The following THSD4 variants were observed in gnomAD, a reference collection of about 807,000 sequenced individuals.
The protein encoded by THSD4 is thrombospondin type-1 domain-containing protein 4.
THSD4 carries 69 observed loss-of-function variants against 119.0 expected under a neutral mutation model. That is an observed-to-expected ratio of 0.58 (90% CI 0.48 to 0.71). THSD4 has a LOEUF of 0.71. Ranked by LOEUF, THSD4 falls within the 30% of genes least tolerant of loss-of-function variation. The probability of loss-of-function intolerance (pLI) is 0.00; values close to 1 mark genes in which losing one functional copy is unlikely to be tolerated. For synonymous variants in THSD4, 524 were observed against 540.4 expected (o/e 0.97, Z 0.42); for missense variants, 1,393 against 1,391.1 (o/e 1.00, Z -0.02).
intron 7 of THSD4, among the ~76,000 whole-genome samples, chr15:71,500,047 G>A (rs958939880): frequency 6.6e-6 from 1 of 152,016 alleles, no homozygotes; most frequent in African/African-American, 2.4e-5. Flanking sequence ...TAATTTTTGA[G>A]GAACCACCTT....
At chr15:71,394,759 T>C (rs2046424270) in intron 6 of THSD4, among the ~76,000 whole-genome samples, 1 of 152,240 alleles carries the variant, frequency 6.6e-6, no homozygotes, top group Non-Finnish European at 1.5e-5. Context: ...CGTTTCTCTA[T>C]TGTATATGCC....
intron 7 of THSD4, among the ~76,000 whole-genome samples, chr15:71,524,795 G>A (rs1284110556): frequency 1.5e-5 from 2 of 129,404 alleles, no homozygotes; most frequent in South Asian, 2.5e-4. Context: ...GTATTTTTTA[G>A]TAGAGACGGG....
intron 17 of THSD4, 21 bp downstream of exon 17, chr15:71,771,229 T>C: frequency 6.2e-7 from 1 of 1,612,432 alleles, no homozygotes; most frequent in African/African-American, 1.3e-5. Context: ...ATTTCAATCA[T>C]GGGGGAAAGG....
chr15:71,291,077 TGTAAG>T (rs566110771), intron 6 of THSD4, among the ~76,000 whole-genome samples: 139 of 152,226 alleles, frequency 9.1e-4, no homozygotes, highest in African/African-American at 3.2e-3. Flanking sequence ...CTTGACTTCT[TGTAAG>T]GTAACTGGAT....
intron 3 of THSD4, among the ~76,000 whole-genome samples, chr15:71,192,773 C>A (rs534360471): frequency 2.0e-5 from 3 of 152,084 alleles, no homozygotes; most frequent in Non-Finnish European, 4.4e-5. Context: ...TACTCTTGTC[C>A]ATGACAACTG....
chr15:71,597,885 C>T (rs1038098867), intron 7 of THSD4, among the ~76,000 whole-genome samples: 3 of 152,158 alleles, frequency 2.0e-5, no homozygotes. Context: ...GAAGTGAGTT[C>T]AGACGCTCCC....
chr15:71,263,346 TAC>T (rs1491116434), intron 6 of THSD4, among the ~76,000 whole-genome samples: 1 of 150,764 alleles, frequency 6.6e-6, no homozygotes, highest in Non-Finnish European at 1.5e-5. Context: ...TATATATATA[TAC>T]GACATTTTCT....
chr15:71,433,600 G>A (rs954906422), intron 7 of THSD4, among the ~76,000 whole-genome samples: 5 of 152,126 alleles, frequency 3.3e-5, no homozygotes, highest in Admixed American at 6.5e-5. Context: ...ATCCTGGGTC[G>A]CAGGTACTCA....
chr15:71,638,250 GT>G (rs957700071), intron 7 of THSD4, among the ~76,000 whole-genome samples: 48 of 152,308 alleles, frequency 3.2e-4, no homozygotes, highest in African/African-American at 1.2e-3. Context: ...AGCACATAGT[GT>G]AGACAAGTGA....
At chr15:71,629,133 T>G (rs914460937) in intron 7 of THSD4, among the ~76,000 whole-genome samples, 1 of 152,174 alleles carries the variant, frequency 6.6e-6, no homozygotes, top group African/African-American at 2.4e-5. Flanking sequence ...GTCACCGGGT[T>G]GGCTCAATCT....
chr15:71,650,690 C>T (rs72625788), intron 7 of THSD4, among the ~76,000 whole-genome samples: 15,934 of 152,206 alleles, frequency 0.1, 885 homozygotes, highest in East Asian at 0.19. Context: ...CCGGGTACAA[C>T]ATAGCAGTAA....
intron 7 of THSD4, among the ~76,000 whole-genome samples, chr15:71,500,560 G>A (rs1226701651): frequency 6.6e-6 from 1 of 152,200 alleles, no homozygotes; most frequent in Non-Finnish European, 1.5e-5. Flanking sequence ...CAAATCTAAT[G>A]TCACGAAGGT....
At chr15:71,522,625 A>G (rs2048459513) in intron 7 of THSD4, among the ~76,000 whole-genome samples, 1 of 152,238 alleles carries the variant, frequency 6.6e-6, no homozygotes, top group African/African-American at 2.4e-5. Flanking sequence ...ATATGTGCCC[A>G]ATAAACACAT....
intron 6 of THSD4, among the ~76,000 whole-genome samples, chr15:71,330,376 C>T (rs562315749): frequency 2.0e-5 from 3 of 152,112 alleles, no homozygotes; most frequent in Non-Finnish European, 4.4e-5. Flanking sequence ...AATTAAAACA[C>T]GCAGCACACG....
intron 6 of THSD4, among the ~76,000 whole-genome samples, chr15:71,302,938 C>G (rs565913207): frequency 6.6e-6 from 1 of 152,186 alleles, no homozygotes; most frequent in African/African-American, 2.4e-5. Context: ...TACTTCCCTG[C>G]GAGTTCTTGG....
intron 7 of THSD4, among the ~76,000 whole-genome samples, chr15:71,568,715 T>A (rs1329333789): frequency 3.9e-5 from 6 of 152,162 alleles, no homozygotes; most frequent in African/African-American, 1.4e-4. Context: ...ACATTAGATA[T>A]ATCTCCTCAT....
intron 1 of THSD4, among the ~76,000 whole-genome samples, chr15:71,101,871 G>A (rs1239675399): frequency 6.6e-6 from 1 of 151,940 alleles, no homozygotes; most frequent in Non-Finnish European, 1.5e-5. Flanking sequence ...ATGCCACCAC[G>A]ACTGGCTAAT....
chr15:71,298,700 C>T (rs1161382429), intron 6 of THSD4, among the ~76,000 whole-genome samples: 6 of 150,768 alleles, frequency 4.0e-5, no homozygotes, highest in African/African-American at 1.5e-4. Flanking sequence ...GCAATCTCTG[C>T]CTCCTGGGTT....
intron 6 of THSD4, among the ~76,000 whole-genome samples, chr15:71,391,322 C>T (rs2046376238): frequency 6.6e-6 from 1 of 152,218 alleles, no homozygotes; most frequent in Non-Finnish European, 1.5e-5. Flanking sequence ...AGCCACCGCG[C>T]CTGGCAACTC....
Sources: gnomAD v4.1 joint callset for allele counts (sites outside exome capture counted in the v4.1 genomes callset) on GRCh38, gnomAD v4.1.1 for gene constraint, MANE v1.5 for transcripts, NCBI Gene and HGNC (gene_info 2026-07-23, HGNC 2026-07-21) for gene names.